Variants in GRIN2A observed in about 807,000 individuals in gnomAD.
GRIN2A encodes glutamate receptor ionotropic, NMDA 2A.
In GRIN2A, 22 loss-of-function variants were observed where a neutral mutation model predicts 113.4. The ratio of observed to expected loss-of-function variants is 0.19; its 90% CI spans 0.14 to 0.28. The LOEUF (loss-of-function observed/expected upper bound fraction) is 0.28. Ranked by LOEUF, GRIN2A falls within the 10% of genes least tolerant of loss-of-function variation. The pLI, the probability that GRIN2A is intolerant of heterozygous loss-of-function variation, is 1.00. For missense variants in GRIN2A, 1,502 were observed against 1,887.0 expected, an observed-to-expected ratio of 0.80 and a Z score of 3.78; for synonymous variants, 827 against 738.4, an observed-to-expected ratio of 1.12 and a Z score of -1.94.
intron 2 of GRIN2A, among the ~76,000 whole-genome samples, chr16:9,949,097 C>T (rs2045101752): frequency 6.6e-6 from 1 of 152,214 alleles, no homozygotes; most frequent in East Asian, 1.9e-4. Flanking sequence ...TCCTCTCTCC[C>T]CTCCACCTCC....
intron 3 of GRIN2A, among the ~76,000 whole-genome samples, chr16:9,909,293 A>G (rs2044088254): frequency 6.6e-6 from 1 of 152,220 alleles, no homozygotes; most frequent in Non-Finnish European, 1.5e-5. Context: ...CCTTCCCACA[A>G]CATGTGGTAA....
In GRIN2A at chr16:9,761,046, G is replaced by C. The variant is rs1900559170; in HGVS notation, c.*2103C>G. On this transcript the variant is annotated 3_prime_UTR_variant, in exon 13 of 13. Transcript: ENST00000330684. ...AATAAAATGTCATTTTCAAGCACAT[G>C]CATCCCCAGCACCTAGTCAGCCCCT... 4.3e-6 allele frequency: 1 copy of C among 232,814 alleles called. No individual in the cohort carries two copies. The highest frequency in any genetic ancestry group is 8.5e-6 in the Non-Finnish European group (1 of 117,764). The allele number at this position is 232,814 out of a possible 1,614,324, so 14.4% of individuals were successfully genotyped here.
chr16:9,946,200 C>G (rs977675223), intron 2 of GRIN2A, among the ~76,000 whole-genome samples: 3 of 152,216 alleles, frequency 2.0e-5, no homozygotes, highest in Non-Finnish European at 4.4e-5. Context: ...AAGACCCAAG[C>G]TGGCTTTACC....
At chr16:10,099,123 C>T (rs993326787) in intron 2 of GRIN2A, among the ~76,000 whole-genome samples, 3 of 152,176 alleles carry the variant, frequency 2.0e-5, no homozygotes, top group African/African-American at 7.2e-5. Context: ...ATTCCCCATA[C>T]CTTGTGCATC....
chr16:10,062,559 A>C lies in GRIN2A; in HGVS notation c.414+117439T>G, dbSNP rs532587180. ...ACTGACACACACTAAAGTTTGAAAA[A>C]CATTGGGTTAACACGCCGGGCACAG... On this transcript the variant is annotated intron_variant, in intron 2 of 12. Transcript: ENST00000330684. 2.0e-4 allele frequency among the ~76,000 whole-genome samples: 31 copies of C among 152,310 alleles called. 1 individual carries two copies. Among genetic ancestry groups the C allele is most frequent in the African/African-American group, 6.0e-4 (25 of 41,560 alleles).
chr16:10,009,583 A>T (rs1049380570), intron 2 of GRIN2A, among the ~76,000 whole-genome samples: 1 of 152,122 alleles, frequency 6.6e-6, no homozygotes, highest in East Asian at 1.9e-4. Context: ...CCTGGACAGG[A>T]TGGGGGTTGC....
At position 9,870,484 on chromosome 16, in the gene GRIN2A, T is replaced by G. The variant is rs575924361; in HGVS notation, c.1122+20502A>C. 2.6e-5 allele frequency among the ~76,000 whole-genome samples: 4 copies of G among 152,268 alleles called. No individual in the cohort carries two copies. The East Asian group carries it at 7.7e-4, about 29-fold the overall frequency. ...GGATAATAATACAAAAGTCCTAGAG[T>G]TAATATAGCTCTTTATGGGCTAGAA... On this transcript the variant is annotated intron_variant, in intron 4 of 12. Transcript: ENST00000330684.
At chr16:10,120,384 T>G (rs7195897) in intron 2 of GRIN2A, among the ~76,000 whole-genome samples, 128,304 of 152,172 alleles carry the variant, frequency 0.84, 54,906 homozygotes, top group East Asian at 0.92. Flanking sequence ...CAAGGTTAAA[T>G]CTTGATATTA....
At chr16:9,832,379 G>C (rs1157634370) in intron 8 of GRIN2A, among the ~76,000 whole-genome samples, 1 of 152,066 alleles carries the variant, frequency 6.6e-6, no homozygotes, top group Non-Finnish European at 1.5e-5. Flanking sequence ...TCAGGTCCTA[G>C]CTCAATGAAC....
chr16:10,120,727 G>A (rs1204589177), intron 2 of GRIN2A, among the ~76,000 whole-genome samples: 1 of 152,044 alleles, frequency 6.6e-6, no homozygotes, highest in Non-Finnish European at 1.5e-5. Context: ...TCTTATATTA[G>A]GTCTTCCGCA....
chr16:10,079,264 G>A (rs1430677677), intron 2 of GRIN2A, among the ~76,000 whole-genome samples: 16 of 152,242 alleles, frequency 1.1e-4, no homozygotes. Context: ...GATAAAGGCT[G>A]TGAAAGAAAT....
chr16:9,971,898 C>T (rs370581953), intron 2 of GRIN2A, among the ~76,000 whole-genome samples: 11 of 152,162 alleles, frequency 7.2e-5, no homozygotes, highest in African/African-American at 2.2e-4. Context: ...AAGAAGGGCT[C>T]ATCATAGAGT....
chr16:9,799,061 T>C (rs1434796121), intron 10 of GRIN2A, among the ~76,000 whole-genome samples: 1 of 152,234 alleles, frequency 6.6e-6, no homozygotes. Flanking sequence ...TCCAAATGTT[T>C]TAGTGAGTAT....
intron 2 of GRIN2A, among the ~76,000 whole-genome samples, chr16:10,082,740 A>C (rs904900475): frequency 1.3e-5 from 2 of 152,196 alleles, no homozygotes; most frequent in African/African-American, 2.4e-5. Context: ...GTCACCTGCT[A>C]AGTTGGTGGT....
intron 2 of GRIN2A, among the ~76,000 whole-genome samples, chr16:9,991,032 A>G (rs976647823): frequency 1.3e-5 from 2 of 152,042 alleles, no homozygotes; most frequent in Non-Finnish European, 2.9e-5. Context: ...ACGCCACTAC[A>G]CTCCAGCCTG....
At position 10,028,456 on chromosome 16, in the gene GRIN2A, G is replaced by A. The variant is rs978093827; in HGVS notation, c.415-89905C>T. Among the ~76,000 whole-genome samples the A allele has an allele frequency of 4.6e-5, 7 of 152,288 alleles. No individual in the cohort carries two copies. In the East Asian group the frequency reaches 5.8e-4, roughly 13 times the overall value. On this transcript the variant is annotated intron_variant, in intron 2 of 12. Transcript: ENST00000330684. The stretch of plus-strand genomic sequence containing the variant: ...GCATCTGGGTGTAGCCATGTGACTC[G>A]TTCATCCAACAGGATGTGGGCCAGA...
chr16:10,138,421 G>C (rs77968984), intron 2 of GRIN2A, among the ~76,000 whole-genome samples: 2,564 of 152,256 alleles, frequency 0.017, 75 homozygotes, highest in African/African-American at 0.059. Context: ...AAGAGGAAGC[G>C]AGGAACATCT....
rs552807419 is a variant in GRIN2A, at chr16:9,774,248, C to G, written c.2357-5159G>C. ...GAATGAAAGAAAATTCAACTAGATA[C>G]TGTCCAGCAAATTACAAGAAAGAAT... On this transcript the variant is annotated intron_variant, in intron 11 of 12. Coordinates refer to ENST00000330684, the MANE Select transcript of GRIN2A (RefSeq NM_001134407.3). 1.1e-4 allele frequency among the ~76,000 whole-genome samples: 16 copies of G among 152,306 alleles called. No individual in the cohort carries two copies. In the East Asian group the frequency reaches 3.1e-3, roughly 29 times the overall value.
chr16:9,991,313 A>C (rs2141817770), intron 2 of GRIN2A, among the ~76,000 whole-genome samples: 1 of 152,342 alleles, frequency 6.6e-6, no homozygotes, highest in East Asian at 1.9e-4. Flanking sequence ...GAACCAGTTC[A>C]ATCTTGGTCC....
Sources: allele counts gnomAD v4.1 joint callset (sites outside exome capture counted in the v4.1 genomes callset), GRCh38; gene constraint gnomAD v4.1.1; transcripts MANE v1.5; gene names NCBI Gene and HGNC (gene_info 2026-07-23, HGNC 2026-07-21).